Variants in DPP6 observed in about 807,000 individuals in gnomAD.
DPP6 encodes the protein A-type potassium channel modulatory protein DPP6.
A neutral mutation model predicts 122.6 loss-of-function variants in DPP6; 69 were observed. The ratio of observed to expected loss-of-function variants is 0.56; its 90% CI spans 0.46 to 0.69. The LOEUF (loss-of-function observed/expected upper bound fraction) is 0.69, where lower values mean the gene tolerates loss of function less well. Among genes scored for constraint, DPP6 ranks in the 30% least tolerant of loss-of-function variants. The pLI is 0.00. For missense variants in DPP6, 928 were observed against 1,116.9 expected, an observed-to-expected ratio of 0.83 and a Z score of 2.41; for synonymous variants, 418 against 433.1, an observed-to-expected ratio of 0.97 and a Z score of 0.43.
chr7:154,372,282 G>C (rs1812741532), intron 1 of DPP6, among the ~76,000 whole-genome samples: 1 of 152,138 alleles, frequency 6.6e-6, no homozygotes, highest in Admixed American at 6.5e-5. Context: ...CATCTTCCTC[G>C]GGGAGTTTTG....
chr7:153,791,442 A>T, the DPP6 span, among the ~76,000 whole-genome samples: 534 of 4,544 alleles, frequency 0.12, 7 homozygotes, highest in African/African-American at 0.22. Context: ...TTTTTTTCAG[A>T]TGGAGTCTCA....
intron 1 of DPP6, among the ~76,000 whole-genome samples, chr7:154,021,062 C>T (rs1341756662): frequency 6.6e-6 from 1 of 152,142 alleles, no homozygotes; most frequent in Non-Finnish European, 1.5e-5. Context: ...AGCATCATTC[C>T]ACCAACGGAG....
intron 1 of DPP6, among the ~76,000 whole-genome samples, chr7:154,303,138 C>T (rs1585873545): frequency 6.6e-6 from 1 of 152,168 alleles, no homozygotes; most frequent in Non-Finnish European, 1.5e-5. Context: ...TGCGCCGCCA[C>T]GCCCAGCTAA....
chr7:153,961,723 G>A (rs1585094844), intron 1 of DPP6, among the ~76,000 whole-genome samples: 1 of 147,360 alleles, frequency 6.8e-6, no homozygotes, highest in South Asian at 2.3e-4. Flanking sequence ...CCTGCAACTA[G>A]ACAGTCGCAT....
intron 1 of DPP6, among the ~76,000 whole-genome samples, chr7:154,396,381 C>T (rs887037131): frequency 2.0e-5 from 3 of 152,014 alleles, no homozygotes; most frequent in African/African-American, 7.2e-5. Flanking sequence ...CTGTGCTACA[C>T]GTGTGGACAG....
At chr7:154,514,210 A>G (rs141515921) in intron 3 of DPP6, among the ~76,000 whole-genome samples, 1 of 152,224 alleles carries the variant, frequency 6.6e-6, no homozygotes, top group African/African-American at 2.4e-5. Context: ...CGGGAGGCAG[A>G]GGTTGTGGTG....
intron 3 of DPP6, among the ~76,000 whole-genome samples, chr7:154,512,780 T>C (rs1306097543): frequency 6.6e-6 from 1 of 152,216 alleles, no homozygotes; most frequent in Non-Finnish European, 1.5e-5. Flanking sequence ...TTTCCAGAGC[T>C]GTAGATGAAT....
At chr7:154,003,959 G>A (rs1206277444) in intron 1 of DPP6, among the ~76,000 whole-genome samples, 1 of 152,182 alleles carries the variant, frequency 6.6e-6, no homozygotes, top group Non-Finnish European at 1.5e-5. Context: ...TAACTGCAAT[G>A]TACACAGACT....
intron 1 of DPP6, among the ~76,000 whole-genome samples, chr7:154,297,553 A>T (rs1805623967): frequency 6.6e-6 from 1 of 152,224 alleles, no homozygotes; most frequent in African/African-American, 2.4e-5. Context: ...AACACAATGG[A>T]TAGGAGTAAT....
At chr7:154,620,557 G>A (rs752309763) in intron 5 of DPP6, among the ~76,000 whole-genome samples, 4 of 152,238 alleles carry the variant, frequency 2.6e-5, no homozygotes, top group Non-Finnish European at 5.9e-5. Context: ...TGATCTTAAT[G>A]ACACAAGTGT....
chr7:153,836,333 A>G, the DPP6 span, among the ~76,000 whole-genome samples: 10 of 152,240 alleles, frequency 6.6e-5, no homozygotes, highest in East Asian at 1.9e-3. Flanking sequence ...TAGAGTGAGC[A>G]TTTGTACGTG....
upstream of DPP6, among the ~76,000 whole-genome samples, chr7:154,049,937 A>G (rs903222499): frequency 6.6e-6 from 1 of 152,202 alleles, no homozygotes; most frequent in Non-Finnish European, 1.5e-5. Flanking sequence ...TGCAAGGTGC[A>G]AGAGTATAGC....
chr7:154,485,119 T>G (rs2151377565), intron 3 of DPP6, among the ~76,000 whole-genome samples: 1 of 152,254 alleles, frequency 6.6e-6, no homozygotes, highest in African/African-American at 2.4e-5. Flanking sequence ...TCGAGGGCAC[T>G]TGGTACAGCA....
intron 5 of DPP6, chr7:154,588,148 GTCA>G: frequency 6.4e-7 from 1 of 1,552,488 alleles, no homozygotes; most frequent in Non-Finnish European, 8.7e-7. Context: ...GAGACACGCT[GTCA>G]TCAGGCCCAA....
chr7:154,713,946 T>A (rs1252341929), intron 7 of DPP6, among the ~76,000 whole-genome samples: 1 of 152,252 alleles, frequency 6.6e-6, no homozygotes, highest in Non-Finnish European at 1.5e-5. Context: ...TGCTTCTTCC[T>A]GAACACTTTG....
intron 1 of DPP6, among the ~76,000 whole-genome samples, chr7:153,934,468 C>T (rs1025722380): frequency 2.6e-5 from 4 of 152,170 alleles, no homozygotes; most frequent in Non-Finnish European, 5.9e-5. Context: ...AGGTTCTCTT[C>T]CACATTTTGG....
chr7:154,654,313 T>C (rs766913679), intron 6 of DPP6, among the ~76,000 whole-genome samples: 1 of 151,988 alleles, frequency 6.6e-6, no homozygotes, highest in African/African-American at 2.4e-5. Flanking sequence ...AGAGGGAATC[T>C]GTCACATCTG....
chr7:153,970,914 GTC>G (rs1795986794), intron 1 of DPP6, among the ~76,000 whole-genome samples: 1 of 152,072 alleles, frequency 6.6e-6, no homozygotes, highest in Non-Finnish European at 1.5e-5. Flanking sequence ...TTAAAATCAG[GTC>G]GTTTAAGTCT....
intron 1 of DPP6, among the ~76,000 whole-genome samples, chr7:153,987,564 T>C (rs1031619811): frequency 2.0e-5 from 3 of 152,162 alleles, no homozygotes; most frequent in Admixed American, 1.3e-4. Flanking sequence ...AACCATTTTT[T>C]TTTTTCCCTC....
Sources: gnomAD v4.1 joint callset for allele counts (sites outside exome capture counted in the v4.1 genomes callset) on GRCh38, gnomAD v4.1.1 for gene constraint, MANE v1.5 for transcripts, NCBI Gene and HGNC (gene_info 2026-07-23, HGNC 2026-07-21) for gene names.